The following RNF115 variants were observed in gnomAD, a reference collection of about 807,000 sequenced individuals.
RNF115 encodes the protein E3 ubiquitin-protein ligase RNF115.
Under a neutral mutation model 39.2 loss-of-function variants are expected in RNF115, and 31 were observed. The observed-to-expected ratio is 0.79, with a 90% confidence interval of 0.59 to 1.07. The LOEUF is 1.07. Among genes scored for constraint, RNF115 ranks in the 50% least tolerant of loss-of-function variants. RNF115 has a pLI of 0.00. For missense variants in RNF115, 384 were observed against 381.7 expected, an observed-to-expected ratio of 1.01 and a Z score of -0.05; for synonymous variants, 124 against 131.0, an observed-to-expected ratio of 0.95 and a Z score of 0.37.
At chr1:145,765,498 T>C (rs1553714659) in intron 4 of RNF115, among the ~76,000 whole-genome samples, 4 of 152,184 alleles carry the variant, frequency 2.6e-5, no homozygotes, top group African/African-American at 9.7e-5. Flanking sequence ...TGGATGGAAT[T>C]TCTCTTAAAG....
In RNF115 at chr1:145,753,857, T is replaced by C. The variant is rs1238935635; in HGVS notation, c.429-808A>G. 2.6e-5 allele frequency among the ~76,000 whole-genome samples: 4 copies of C among 152,070 alleles called. No individual in the cohort carries two copies. In the East Asian group the frequency reaches 7.7e-4, roughly 29 times the overall value. ...TTAGCCTCCCGAGTAGCTGGGATTA[T>C]AGGCACCTGCCACCACACCCGGCTA... On this transcript the variant is annotated intron_variant, in intron 4 of 8. Coordinates refer to ENST00000582693, the MANE Select transcript of RNF115 (RefSeq NM_014455.4).
rs1657742521 is a variant in RNF115, at chr1:145,743,345, GAACAGA to G, written c.*3515_*3520del. ...TCAGTCTTTTCCTGCCTCTGAACTG[GAACAGA>G]AACATCAGCTCTTCTAGGGTATCCA... is the stretch of plus-strand genomic sequence containing the variant. On this transcript the variant is annotated 3_prime_UTR_variant, in exon 9 of 9. Transcript: ENST00000582693. The G allele has an allele frequency of 6.6e-6, 1 of 152,168 alleles. No individual in the cohort carries two copies. Among genetic ancestry groups the G allele is most frequent in the Admixed American group, 6.6e-5 (1 of 15,264 alleles). The allele number at this position is 152,168 out of a possible 1,614,324, so 9.4% of individuals were successfully genotyped here. A position where few individuals can be genotyped will look rare whatever the true frequency, so the allele number is the denominator to read the frequency against.
chr1:145,793,979 G>C (rs1452953123), intron 1 of RNF115, among the ~76,000 whole-genome samples: 1 of 152,022 alleles, frequency 6.6e-6, no homozygotes, highest in Non-Finnish European at 1.5e-5. Context: ...GAGTGGCTGG[G>C]ATTACAGGCA....
Position 145,756,831 on chromosome 1 carries a change from CTTTTTT to C in RNF115, c.429-3788_429-3783del, listed in dbSNP as rs142073195. Among the ~76,000 whole-genome samples, 4 of 67,870 alleles carry C rather than the reference CTTTTTT, an allele frequency of 5.9e-5. No homozygotes were observed. The Admixed American group carries it at 7.8e-4, about 13-fold the overall frequency. 44.5% of individuals were successfully genotyped at this position (67,870 alleles called of 152,430 possible). The stretch of plus-strand genomic sequence containing the variant: ...GTGTTCATGTCCAAATTTCTAGCTT[CTTTTTT>C]TTTTTTTTTTTTTTTTTTTGAGGCA... On this transcript the variant is annotated intron_variant, in intron 4 of 8. Transcript: ENST00000582693.
chr1:145,781,053 G>A lies in RNF115; in HGVS notation c.219+3486C>T, dbSNP rs918541993. ...AATATTTTCAGATTCACTCTCCACC[G>A]GCCCTCACACATTATTCAAACACTG... is the stretch of plus-strand genomic sequence containing the variant. On this transcript the variant is annotated intron_variant, in intron 3 of 8. Coordinates refer to ENST00000582693, the MANE Select transcript of RNF115 (RefSeq NM_014455.4). 1.1e-4 allele frequency among the ~76,000 whole-genome samples: 17 copies of A among 151,862 alleles called. No homozygotes were observed. The East Asian group carries it at 1.2e-3, about 10-fold the overall frequency.
In RNF115 at chr1:145,744,129, T is replaced by A; in HGVS notation, c.*2737A>T. 6.6e-6 allele frequency: 1 copy of A among 152,314 alleles called. No homozygotes were observed. Among genetic ancestry groups the A allele is most frequent in the East Asian group, 1.9e-4 (1 of 5,248 alleles). The allele number at this position is 152,314 out of a possible 1,614,324, so 9.4% of individuals were successfully genotyped here. Reference sequence around the variant, plus strand: ...TAGTTCTCTAGGCATTGGTTCTCTATCTGTACGTAAAACTACAACTGCCTG... The same window carrying A: ...TAGTTCTCTAGGCATTGGTTCTCTAACTGTACGTAAAACTACAACTGCCTG... On this transcript the variant is annotated 3_prime_UTR_variant, in exon 9 of 9. Transcript: ENST00000582693.
At position 145,739,412 on chromosome 1, in the gene RNF115, T is replaced by C. The variant is rs1264231712; in HGVS notation, c.*7454A>G. ...AGGTTTGTGGGAACGGAAAGAGATATGGCTGAAGTAGATGAGTAAGACTCT... is the reference window on the plus strand; with the variant it reads ...AGGTTTGTGGGAACGGAAAGAGATACGGCTGAAGTAGATGAGTAAGACTCT... On this transcript the variant is annotated 3_prime_UTR_variant, in exon 9 of 9. Transcript: ENST00000582693. 2.6e-5 allele frequency: 4 copies of C among 152,160 alleles called. No homozygotes were observed. The highest frequency in any genetic ancestry group is 5.9e-5 in the Non-Finnish European group (4 of 68,044). 9.4% of individuals were successfully genotyped at this position (152,160 alleles called of 1,614,324 possible).
Position 145,743,783 on chromosome 1 carries a change from AAAAT to A in RNF115, c.*3079_*3082del, listed in dbSNP as rs782601840. 4.3e-3 allele frequency: 206 copies of A among 47,894 alleles called. No homozygotes were observed. Among genetic ancestry groups the A allele is most frequent in the Non-Finnish European group, 6.4e-3 (168 of 26,048 alleles). 3.0% of individuals were successfully genotyped at this position (47,894 alleles called of 1,614,324 possible). A position where few individuals can be genotyped will look rare whatever the true frequency, so the allele number is the denominator to read the frequency against. ...GCGACAGAGCAAGCCTCCATCTCAA[AAAAT>A]AAATAAATAAATAAATAAATAAATA... is the stretch of plus-strand genomic sequence containing the variant. On this transcript the variant is annotated 3_prime_UTR_variant, in exon 9 of 9. Transcript: ENST00000582693.
At chr1:145,801,133 C>T (rs1261536283) in intron 1 of RNF115, among the ~76,000 whole-genome samples, 1 of 151,866 alleles carries the variant, frequency 6.6e-6, no homozygotes, top group Non-Finnish European at 1.5e-5. Context: ...ATTACGACAC[C>T]GCACTCCAGC....
At chr1:145,805,857 T>G (rs1162648322) in intron 1 of RNF115, among the ~76,000 whole-genome samples, 2 of 152,082 alleles carry the variant, frequency 1.3e-5, no homozygotes, top group African/African-American at 2.4e-5. Flanking sequence ...TAAAACATTT[T>G]TTCCCACAGT....
chr1:145,757,228 C>A (rs373336591), intron 4 of RNF115, among the ~76,000 whole-genome samples: 1 of 152,118 alleles, frequency 6.6e-6, no homozygotes, highest in Non-Finnish European at 1.5e-5. Context: ...TCTGTAATGA[C>A]CCTATTTCCA....
At chr1:145,766,165 G>A in intron 4 of RNF115, among the ~76,000 whole-genome samples, 1 of 152,274 alleles carries the variant, frequency 6.6e-6, no homozygotes, top group East Asian at 1.9e-4. Flanking sequence ...TTGTGTCCCT[G>A]GGTACTTGAA....
At chr1:145,751,821 C>T (rs1345574347) in intron 5 of RNF115, among the ~76,000 whole-genome samples, 2 of 152,108 alleles carry the variant, frequency 1.3e-5, no homozygotes, top group African/African-American at 4.8e-5. Flanking sequence ...TTTTCTGTGC[C>T]CACTGATATT....
chr1:145,823,841 C>G lies in RNF115; in HGVS notation c.33G>C (p.Ser11=), dbSNP rs782032924. 1.3e-6 allele frequency: 2 copies of G among 1,572,530 alleles called. No homozygotes were observed. Among genetic ancestry groups the G allele is most frequent in the African/African-American group, 2.8e-5 (2 of 71,318 alleles). ...ACCGGTGGGCGGCTACAGCGGCGCC[C>G]GAGTCCGCCCCGGCCGCCGAAGCCT... MAEASAAGAD[S]GAAVAAHRFF... is the part of the protein sequence containing the mutation. Residue 11 remains serine (S), a synonymous_variant, in exon 1 of 9, where the codon TCG becomes TCC. Coordinates refer to ENST00000582693, the MANE Select transcript of RNF115 (RefSeq NM_014455.4).
chr1:145,757,452 G>A (rs761813022), intron 4 of RNF115, among the ~76,000 whole-genome samples: 140 of 152,224 alleles, frequency 9.2e-4, no homozygotes, highest in Non-Finnish European at 1.6e-3. Flanking sequence ...GTTTTAAAAA[G>A]AAACACTGCC....
At chr1:145,748,563 T>C (rs1404333570) in intron 7 of RNF115, among the ~76,000 whole-genome samples, 1 of 152,134 alleles carries the variant, frequency 6.6e-6, no homozygotes, top group Non-Finnish European at 1.5e-5. Context: ...CACTTGCCAC[T>C]TTCACCATGC....
intron 4 of RNF115, among the ~76,000 whole-genome samples, chr1:145,762,854 T>C (rs969752773): frequency 6.6e-6 from 1 of 152,126 alleles, no homozygotes; most frequent in Non-Finnish European, 1.5e-5. Flanking sequence ...ATCATGTCCT[T>C]TGCAGCAACA....
intron 4 of RNF115, among the ~76,000 whole-genome samples, chr1:145,763,117 C>T (rs1408019791): frequency 1.3e-5 from 2 of 151,998 alleles, no homozygotes; most frequent in African/African-American, 2.4e-5. Context: ...ACAATATACC[C>T]GTGTAATAAA....
intron 4 of RNF115, among the ~76,000 whole-genome samples, chr1:145,765,133 C>T (rs1186406500): frequency 6.6e-6 from 1 of 152,182 alleles, no homozygotes; most frequent in Admixed American, 6.5e-5. Flanking sequence ...CAACCCTGTG[C>T]TCTCTGAAAC....
Sources: gnomAD v4.1 joint callset for allele counts (sites outside exome capture counted in the v4.1 genomes callset) on GRCh38, gnomAD v4.1.1 for gene constraint, MANE v1.5 for transcripts, NCBI Gene and HGNC (gene_info 2026-07-23, HGNC 2026-07-21) for gene names.